DDX18: variants seen among roughly 807,000 people sequenced by gnomAD.
The protein encoded by DDX18 is ATP-dependent RNA helicase DDX18.
DDX18 carries 23 observed loss-of-function variants against 73.5 expected under a neutral mutation model. The ratio of observed to expected loss-of-function variants is 0.31; its 90% CI spans 0.23 to 0.44. The LOEUF (loss-of-function observed/expected upper bound fraction) is 0.44, where lower values mean the gene tolerates loss of function less well. Among genes scored for constraint, DDX18 ranks in the 20% least tolerant of loss-of-function variants. DDX18 has a pLI of 1.00. For synonymous variants in DDX18, 268 were observed against 282.7 expected, an observed-to-expected ratio of 0.95 and a Z score of 0.52; for missense variants, 753 against 792.9, an observed-to-expected ratio of 0.95 and a Z score of 0.60.
At chr2:117,826,752 G>C (rs1252059799) in intron 11 of DDX18, 1 of 214,360 alleles carries the variant, frequency 4.7e-6, no homozygotes, top group Non-Finnish European at 9.5e-6. Flanking sequence ...ATCCTTGTTC[G>C]CTCTAGCCTC....
In DDX18 at chr2:117,832,029, A is replaced by G. The variant is rs1680034924; in HGVS notation, c.*1305A>G. 1 of 152,314 alleles carries G rather than the reference A, an allele frequency of 6.6e-6. No homozygotes were observed. Among genetic ancestry groups the G allele is most frequent in the Non-Finnish European group, 1.5e-5 (1 of 68,046 alleles). The allele number at this position is 152,314 out of a possible 1,614,324, so 9.4% of individuals were successfully genotyped here. ...TCTTCCATTTCTGGGCTTGGCCACC[A>G]TCACCCTGGTCGGACCTGTCCTGGA... On this transcript the variant is annotated 3_prime_UTR_variant, in exon 14 of 14. Transcript: ENST00000263239.
chr2:117,816,329 A>T (rs1408200187), intron 1 of DDX18, among the ~76,000 whole-genome samples: 1 of 152,258 alleles, frequency 6.6e-6, no homozygotes, highest in Non-Finnish European at 1.5e-5. Flanking sequence ...TTTGACTTTA[A>T]TAACACTTAG....
intron 2 of DDX18, 90 bp downstream of exon 2, chr2:117,817,818 A>C: frequency 7.3e-7 from 1 of 1,368,118 alleles, no homozygotes; most frequent in Non-Finnish European, 1.0e-6. Context: ...TGCACATGAC[A>C]TGAGAATTCC....
chr2:117,822,096 T>C (rs758646777), intron 6 of DDX18, 35 bp downstream of exon 6: 1 of 1,613,888 alleles, frequency 6.2e-7, no homozygotes, highest in South Asian at 1.1e-5. Context: ...TTGTCTTGTA[T>C]GAAACATAAA....
At chr2:117,818,872 T>C (rs1679801620) in intron 2 of DDX18, among the ~76,000 whole-genome samples, 1 of 152,144 alleles carries the variant, frequency 6.6e-6, no homozygotes, top group Non-Finnish European at 1.5e-5. Flanking sequence ...AAATAAGCCA[T>C]GGAGACCAGC....
At chr2:117,821,596 AC>A in intron 4 of DDX18, 53 bp from the exon 5 acceptor site, 1 of 1,585,390 alleles carries the variant, frequency 6.3e-7, no homozygotes, top group Non-Finnish European at 8.7e-7. Context: ...TGTATGTAGT[AC>A]GTCGTAAATG....
Position 117,824,665 on chromosome 2 carries a change from TTGA to T in DDX18, c.1171_1173del (p.Asp391del). 2.7e-6 allele frequency: 4 copies of T among 1,491,402 alleles called. No homozygotes were observed. Among genetic ancestry groups the T allele is most frequent in the African/African-American group, 1.4e-5 (1 of 69,480 alleles). 92.4% of individuals were successfully genotyped at this position (1,491,402 alleles called of 1,614,324 possible). ...AAAAAGGAGCCATTGTATGTTGGCG[TTGA>T]TGATGATAAAGCGAATGCAACAGTG... On this transcript the variant is annotated inframe_deletion, in exon 8 of 14. Coordinates refer to ENST00000263239, the MANE Select transcript of DDX18 (RefSeq NM_006773.4).
intron 11 of DDX18, 154 bp from the exon 12 acceptor site, chr2:117,828,795 A>G (rs1433561207): frequency 1.1e-5 from 7 of 613,706 alleles, no homozygotes; most frequent in African/African-American, 1.9e-5. Flanking sequence ...CAAAGATGTA[A>G]CTTTCCCATC....
chr2:117,821,751 G>C lies in DDX18; in HGVS notation c.751+1G>C, dbSNP rs749410922. 6.2e-7 allele frequency: 1 copy of C among 1,613,950 alleles called. No individual in the cohort carries two copies. The highest frequency in any genetic ancestry group is 8.5e-7 in the Non-Finnish European group (1 of 1,179,906). ...AAGTTAAGGTTCATGCCCAGGAATG[G>C]TAAGCGTTCATCTGCTTGTTTCTGC... On this transcript the variant is annotated splice_donor_variant, in intron 5 of 13. Transcript: ENST00000263239. LOFTEE classifies it high-confidence loss of function.
intron 1 of DDX18, 143 bp from the exon 2 acceptor site, chr2:117,817,301 A>T (rs1679775871): frequency 1.3e-6 from 1 of 783,988 alleles, no homozygotes; most frequent in Non-Finnish European, 1.9e-6. Flanking sequence ...CCATAAAACT[A>T]TAAGTTGTTT....
intron 1 of DDX18, 25 bp from the exon 2 acceptor site, chr2:117,817,419 G>A: frequency 6.3e-7 from 1 of 1,576,076 alleles, no homozygotes; most frequent in Non-Finnish European, 8.6e-7. Flanking sequence ...CTTTGTCACA[G>A]TATATGTTCT....
intron 8 of DDX18, 36 bp downstream of exon 8, chr2:117,824,744 T>C: frequency 6.8e-7 from 1 of 1,470,590 alleles, no homozygotes; most frequent in Non-Finnish European, 9.0e-7. Context: ...TGTAGGGATC[T>C]TACTTGGTGT....
intron 1 of DDX18, among the ~76,000 whole-genome samples, chr2:117,815,455 C>T (rs1481636136): frequency 6.6e-6 from 1 of 152,156 alleles, no homozygotes; most frequent in Admixed American, 6.5e-5. Flanking sequence ...TTCTTACCTA[C>T]CTCATTTGCA....
chr2:117,821,184 G>A lies in DDX18; in HGVS notation c.538G>A (p.Ala180Thr), dbSNP rs909709219. 4 of 1,592,736 alleles carry A rather than the reference G, an allele frequency of 2.5e-6. No individual in the cohort carries two copies. The highest frequency in any genetic ancestry group is 3.4e-6 in the Non-Finnish European group (4 of 1,171,676). Reference protein sequence around the residue: ...LTGAFEDTSFASLCNLVNENT... With the variant: ...LTGAFEDTSFTSLCNLVNENT... ...AGGAGCTTTTGAGGATACTTCGTTT[G>A]CTTCTCTATGTAATCTTGTCAATGA... The change falls in exon 4 of 14, where the codon GCT becomes ACT. Residue 180 changes from alanine to threonine, a missense_variant. By Grantham distance (58) the Ala-to-Thr change is moderately conservative. This residue lies in a region of DDX18 where 345 missense variants were observed against 352.0 expected (regional missense o/e 0.98). Coordinates refer to ENST00000263239, the MANE Select transcript of DDX18 (RefSeq NM_006773.4).
chr2:117,827,519 G>C (rs929751340), intron 11 of DDX18: 2 of 126,538 alleles, frequency 1.6e-5, no homozygotes, highest in Middle Eastern at 6.4e-3. Context: ...CCCGGTGTGT[G>C]ATATTCACCA....
chr2:117,817,641 A>G lies in DDX18; in HGVS notation c.283A>G (p.Asn95Asp). The G allele has an allele frequency of 1.2e-6, 2 of 1,613,278 alleles. No individual in the cohort carries two copies. The highest frequency in any genetic ancestry group is 1.7e-6 in the Non-Finnish European group (2 of 1,179,708). The change falls in exon 2 of 14, where the codon AAT becomes GAT. Residue 95 changes from asparagine (N) to aspartate (D), a missense_variant. Asn to Asp is a conservative substitution (Grantham distance 23). Coordinates refer to ENST00000263239, the MANE Select transcript of DDX18 (RefSeq NM_006773.4). The part of the protein sequence containing the change: ...KSPQKSTVLT[N>D]GEAAMQSSNS... ...TCCCCAGAAATCCACTGTATTAACC[A>G]ATGGAGAAGCAGCAATGCAGTCTTC...
At position 117,830,709 on chromosome 2, in the gene DDX18, G is replaced by A. The variant is rs1680008827; in HGVS notation, c.1998G>A (p.Arg666=). The change falls in exon 14 of 14, where the codon AGG becomes AGA. Residue 666 remains arginine, a synonymous_variant. Transcript: ENST00000263239. ...TTAGCAAGAAATCATCTGACAGCAG[G>A]CAGTTCTCTCACTGAACACATGCCT... ...KHISKKSSDS[R]QFSH 2 of 1,613,182 alleles carry A rather than the reference G, an allele frequency of 1.2e-6. No homozygotes were observed. The highest frequency in any genetic ancestry group is 1.3e-5 in the African/African-American group (1 of 74,896).
At chr2:117,817,325 G>A in intron 1 of DDX18, 119 bp from the exon 2 acceptor site, 1 of 983,420 alleles carries the variant, frequency 1.0e-6, no homozygotes, top group Non-Finnish European at 1.4e-6. Context: ...TTACATGAAA[G>A]AGAAGAAAAT....
intron 2 of DDX18, 46 bp from the exon 3 acceptor site, chr2:117,819,603 T>C: frequency 1.3e-6 from 2 of 1,487,172 alleles, no homozygotes; most frequent in South Asian, 2.7e-5. Flanking sequence ...TTTGGAATTC[T>C]ATTTTAAGGA....
Sources: gnomAD v4.1 joint callset for allele counts (sites outside exome capture counted in the v4.1 genomes callset) on GRCh38, gnomAD v4.1.1 for gene constraint, gnomAD v4.1.1 regional missense constraint, MANE v1.5 for transcripts, NCBI Gene and HGNC (gene_info 2026-07-23, HGNC 2026-07-21) for gene names.